The following CSMD1 variants were observed in gnomAD, a reference collection of about 807,000 sequenced individuals.
CSMD1 encodes CUB and sushi domain-containing protein 1.
CSMD1 carries 213 observed loss-of-function variants against 417.5 expected under a neutral mutation model. That is an observed-to-expected ratio of 0.51 (90% CI 0.46 to 0.57). The LOEUF is 0.57. CSMD1 is among the 20% of genes least tolerant of loss of function. The pLI is 0.00. For missense variants in CSMD1, 6,923 were observed against 4,529.7 expected, an observed-to-expected ratio of 1.53 and a Z score of -15.17; for synonymous variants, 2,862 against 1,736.8, an observed-to-expected ratio of 1.65 and a Z score of -16.11.
chr8:3,693,491 C>G (rs2624067), intron 7 of CSMD1, among the ~76,000 whole-genome samples: 144,257 of 152,168 alleles, frequency 0.95, 68,462 homozygotes, highest in East Asian at 1. Flanking sequence ...CAAATTATGG[C>G]AGCAGGCAGC....
intron 1 of CSMD1, among the ~76,000 whole-genome samples, chr8:4,739,579 A>G (rs191394194): frequency 7.9e-5 from 12 of 152,316 alleles, no homozygotes; most frequent in African/African-American, 2.4e-4. Flanking sequence ...ACTCTAAATG[A>G]GAACAGGTCT....
chr8:3,760,052 C>G (rs1328402448), intron 5 of CSMD1, among the ~76,000 whole-genome samples: 2 of 152,162 alleles, frequency 1.3e-5, no homozygotes, highest in South Asian at 2.1e-4. Context: ...TCAAACGGAG[C>G]TTGCCAGGTC....
chr8:3,986,865 C>T (rs1814365570), intron 5 of CSMD1, among the ~76,000 whole-genome samples: 1 of 152,088 alleles, frequency 6.6e-6, no homozygotes, highest in African/African-American at 2.4e-5. Flanking sequence ...AGCAATTCTC[C>T]TGCTTCAGCC....
In CSMD1 at chr8:3,408,011, A is replaced by C. The variant is rs1812458452; in HGVS notation, c.1959T>G (p.Thr653=). ...DGISDITVLG[T]FSGNEVPSQL... is the part of the protein sequence containing the mutation. ...GGGAAGGCACTTCATTGCCAGAAAA[A>C]GTACCCAGGACAGTTATGTCAGAAA... The change falls in exon 14 of 70, where the codon ACT becomes ACG. Residue 653 remains threonine (T), a synonymous_variant. Transcript: ENST00000635120. 2 of 1,613,994 alleles carry C rather than the reference A, an allele frequency of 1.2e-6. No individual in the cohort carries two copies. The highest frequency in any genetic ancestry group is 4.5e-5 in the East Asian group (2 of 44,864).
intron 12 of CSMD1, among the ~76,000 whole-genome samples, chr8:3,461,618 A>C (rs147590549): frequency 6.6e-6 from 1 of 152,284 alleles, no homozygotes; most frequent in East Asian, 1.9e-4. Context: ...ATGAAACTGT[A>C]AGCTATCCCT....
At chr8:3,211,876 C>T (rs973740055) in intron 30 of CSMD1, among the ~76,000 whole-genome samples, 1 of 152,200 alleles carries the variant, frequency 6.6e-6, no homozygotes, top group Non-Finnish European at 1.5e-5. Flanking sequence ...ACTGCCCAGG[C>T]CGCTCAGGAT....
intron 1 of CSMD1, among the ~76,000 whole-genome samples, chr8:4,799,607 A>C (rs1178078795): frequency 6.0e-5 from 9 of 149,312 alleles, no homozygotes. Context: ...TCAAAAAAAA[A>C]AAAAAAAAAA....
chr8:3,254,469 T>A (rs1027641060), intron 26 of CSMD1, among the ~76,000 whole-genome samples: 1 of 152,202 alleles, frequency 6.6e-6, no homozygotes, highest in African/African-American at 2.4e-5. Flanking sequence ...CTGCAGAGTG[T>A]TTTCCAACTT....
chr8:3,050,976 G>A (rs914215794), intron 50 of CSMD1, among the ~76,000 whole-genome samples: 2 of 152,148 alleles, frequency 1.3e-5, no homozygotes, highest in Non-Finnish European at 2.9e-5. Flanking sequence ...TGGAGAAAAG[G>A]GAACACTTGC....
intron 1 of CSMD1, among the ~76,000 whole-genome samples, chr8:4,805,195 A>G (rs994986801): frequency 6.6e-6 from 1 of 152,210 alleles, no homozygotes. Context: ...GAGAGATAAT[A>G]TCTGCGATAA....
intron 5 of CSMD1, among the ~76,000 whole-genome samples, chr8:3,851,328 T>G (rs1467662077): frequency 6.6e-6 from 1 of 152,186 alleles, no homozygotes; most frequent in Non-Finnish European, 1.5e-5. Context: ...AAGTGGGAAA[T>G]TCCAACTTGA....
At chr8:3,714,790 G>A (rs1200921366) in intron 6 of CSMD1, among the ~76,000 whole-genome samples, 2 of 151,912 alleles carry the variant, frequency 1.3e-5, no homozygotes, top group Non-Finnish European at 2.9e-5. Context: ...TGGTTATTTG[G>A]AGCATTTTTT....
At chr8:3,245,181 T>A (rs148794471) in intron 26 of CSMD1, among the ~76,000 whole-genome samples, 1 of 152,350 alleles carries the variant, frequency 6.6e-6, no homozygotes, top group East Asian at 1.9e-4. Context: ...ATGGCACTCC[T>A]GTCTTCTGAG....
At position 4,104,121 on chromosome 8, in the gene CSMD1, G is replaced by A. The variant is rs114684929; in HGVS notation, c.416-72022C>T. Among the ~76,000 whole-genome samples the A allele has an allele frequency of 4.5e-3, 683 of 152,332 alleles. 3 individuals are homozygous for A. The highest frequency in any genetic ancestry group is 0.015 in the African/African-American group (613 of 41,576). On this transcript the variant is annotated intron_variant, in intron 3 of 69. Transcript: ENST00000635120. ...AAGATTGACCTGTCCCACAGAAGCAGAGTGTTGATTCAGTCCCTCGTCTGC... is the reference window on the plus strand; with the variant it reads ...AAGATTGACCTGTCCCACAGAAGCAAAGTGTTGATTCAGTCCCTCGTCTGC...
chr8:4,845,434 C>G (rs539506703), intron 1 of CSMD1, among the ~76,000 whole-genome samples: 12 of 152,280 alleles, frequency 7.9e-5, no homozygotes, highest in African/African-American at 2.6e-4. Context: ...TTGAATCAAC[C>G]AATAATCAAC....
chr8:4,437,484 C>G lies in CSMD1; in HGVS notation c.303-17419G>C, dbSNP rs971693906. On this transcript the variant is annotated intron_variant, in intron 2 of 69. Coordinates refer to ENST00000635120, the MANE Select transcript of CSMD1 (RefSeq NM_033225.6). ...AAGTTAATTACATGAAAAGTTTCCT[C>G]TCAAGATTTTTATAACATAGCCGCG... Among the ~76,000 whole-genome samples the G allele has an allele frequency of 4.7e-4, 72 of 152,140 alleles. 4 individuals carry two copies. Among genetic ancestry groups the G allele is most frequent in the African/African-American group, 2.4e-5 (1 of 41,448 alleles).
At chr8:4,397,825 C>A (rs1479972141) in intron 3 of CSMD1, among the ~76,000 whole-genome samples, 1 of 151,966 alleles carries the variant, frequency 6.6e-6, no homozygotes, top group Non-Finnish European at 1.5e-5. Flanking sequence ...TATTTATAAT[C>A]GGAAAATAAT....
At chr8:3,824,525 G>A (rs1024618865) in intron 5 of CSMD1, among the ~76,000 whole-genome samples, 14 of 152,148 alleles carry the variant, frequency 9.2e-5, no homozygotes, top group Non-Finnish European at 8.8e-5. Context: ...CACTTAAAGC[G>A]TGATGAGTCT....
At chr8:3,858,966 T>C (rs1486099536) in intron 5 of CSMD1, among the ~76,000 whole-genome samples, 2 of 152,200 alleles carry the variant, frequency 1.3e-5, no homozygotes, top group South Asian at 2.1e-4. Flanking sequence ...AATTAAAGTA[T>C]AACGACATCA....
Sources: allele counts gnomAD v4.1 joint callset (sites outside exome capture counted in the v4.1 genomes callset), GRCh38; gene constraint gnomAD v4.1.1; transcripts MANE v1.5; gene names NCBI Gene and HGNC (gene_info 2026-07-23, HGNC 2026-07-21).